The following RAP1B variants were observed in gnomAD, a reference collection of about 807,000 sequenced individuals.
RAP1B encodes the protein RAP1B, member of RAS oncogene family, also known as ras-related protein Rap-1b.
Under a neutral mutation model 27.5 loss-of-function variants are expected in RAP1B, and 1 was observed. The ratio of observed to expected loss-of-function variants is 0.04; its 90% CI spans 0.01 to 0.17. The LOEUF is 0.17. Among genes scored for constraint, RAP1B ranks in the 10% least tolerant of loss-of-function variants. RAP1B has a pLI of 1.00. For synonymous variants in RAP1B, 75 were observed against 73.1 expected (o/e 1.03, Z -0.13); for missense variants, 84 against 214.8 (o/e 0.39, Z 3.81).
intron 5 of RAP1B, 126 bp downstream of exon 5, chr12:68,654,378 C>CGTT (rs1399900433): frequency 2.1e-5 from 15 of 707,504 alleles, no homozygotes; most frequent in South Asian, 1.4e-4. Flanking sequence ...TTTTTTTAAA[C>CGTT]TTTTTCCTTG....
chr12:68,643,744 T>C (rs1452703800), intron 1 of RAP1B, among the ~76,000 whole-genome samples: 2 of 152,320 alleles, frequency 1.3e-5, no homozygotes, highest in East Asian at 3.9e-4. Flanking sequence ...AAAATGCCAG[T>C]AATTATCAGC....
At chr12:68,656,630 C>CT (rs1874228479) in intron 6 of RAP1B, 181 bp downstream of exon 6, 1 of 619,958 alleles carries the variant, frequency 1.6e-6, no homozygotes. Context: ...ATTTCAGTCT[C>CT]TATTAAATAC....
rs1055930151 is a variant in RAP1B, at chr12:68,662,623, A to G, written c.*3374A>G. On this transcript the variant is annotated 3_prime_UTR_variant, in exon 8 of 8. Coordinates refer to ENST00000250559, the MANE Select transcript of RAP1B (RefSeq NM_001010942.3). ...ATTGAATTTAATCTCCATCTATTCT[A>G]TCTCTTCTTAAATCTTGGAAATGTA... The G allele has an allele frequency of 3.9e-5, 6 of 152,122 alleles. No individual in the cohort carries two copies. Among genetic ancestry groups the G allele is most frequent in the African/African-American group, 1.2e-4 (5 of 41,520 alleles). 9.4% of individuals were successfully genotyped at this position (152,122 alleles called of 1,614,324 possible).
intron 1 of RAP1B, 27 bp downstream of exon 1, chr12:68,611,070 G>A (rs1055762141): frequency 7.0e-5 from 18 of 257,894 alleles, no homozygotes; most frequent in Non-Finnish European, 1.0e-4. Flanking sequence ...CGTGGCCGCT[G>A]AGGGAAGCCG....
rs1049904030 is a variant in RAP1B, at chr12:68,671,028, A to G, written c.*11779A>G. ...GGGCAACAAGAGTGATACTCCGTTT[A>G]AAAAAAAAAAAAAAAAAAAAGGTAA... On this transcript the variant is annotated 3_prime_UTR_variant, in exon 8 of 8. Coordinates refer to ENST00000250559, the MANE Select transcript of RAP1B (RefSeq NM_001010942.3). 7.7e-6 allele frequency: 1 copy of G among 129,584 alleles called. No individual in the cohort carries two copies. The highest frequency in any genetic ancestry group is 2.8e-5 in the African/African-American group (1 of 35,548). The allele number at this position is 129,584 out of a possible 1,614,324, so 8.0% of individuals were successfully genotyped here.
chr12:68,623,515 A>G (rs545815913), intron 1 of RAP1B, among the ~76,000 whole-genome samples: 1 of 152,340 alleles, frequency 6.6e-6, no homozygotes, highest in Admixed American at 6.5e-5. Context: ...TTTTGAGGAA[A>G]GATTTGTTTT....
At chr12:68,619,638 T>C (rs1871257188) in intron 1 of RAP1B, among the ~76,000 whole-genome samples, 1 of 152,240 alleles carries the variant, frequency 6.6e-6, no homozygotes, top group Admixed American at 6.5e-5. Context: ...TTCCCAACTG[T>C]CTAATGTATT....
In RAP1B at chr12:68,647,292, T is replaced by C. The variant is rs1054894723; in HGVS notation, c.-26-1407T>C. On this transcript the variant is annotated intron_variant, in intron 1 of 7. Coordinates refer to ENST00000250559, the MANE Select transcript of RAP1B (RefSeq NM_001010942.3). ...GCTCACGCCTGTAATCCCAGCACTTTGGGAGGCCGAGGCAGGTGGATCATG... is the reference window on the plus strand; with the variant it reads ...GCTCACGCCTGTAATCCCAGCACTTCGGGAGGCCGAGGCAGGTGGATCATG... Among the ~76,000 whole-genome samples the C allele has an allele frequency of 3.4e-5, 5 of 147,434 alleles. No homozygotes were observed. The Admixed American group carries it at 3.4e-4, about 10-fold the overall frequency.
intron 1 of RAP1B, among the ~76,000 whole-genome samples, chr12:68,630,669 T>C (rs1872169132): frequency 6.6e-6 from 1 of 151,992 alleles, no homozygotes; most frequent in Non-Finnish European, 1.5e-5. Flanking sequence ...TTGGGGTCTT[T>C]TTTGTTTTTG....
At chr12:68,614,063 A>G (rs1870807383) in intron 1 of RAP1B, among the ~76,000 whole-genome samples, 1 of 152,230 alleles carries the variant, frequency 6.6e-6, no homozygotes, top group African/African-American at 2.4e-5. Flanking sequence ...CTAATTCAAG[A>G]TTGGTGGAAG....
chr12:68,620,450 T>G (rs112127843), intron 1 of RAP1B, among the ~76,000 whole-genome samples: 7,960 of 152,154 alleles, frequency 0.052, 305 homozygotes, highest in Middle Eastern at 0.13. Context: ...CCCGAACTCC[T>G]GACCTCAGGT....
chr12:68,642,719 T>G, intron 1 of RAP1B: 2 of 1,105,126 alleles, frequency 1.8e-6, no homozygotes, highest in East Asian at 2.3e-5. Context: ...ATCTTTTTCT[T>G]CGGCATCCAC....
chr12:68,642,450 A>G (rs1034177038), intron 1 of RAP1B: 3 of 741,364 alleles, frequency 4.0e-6, no homozygotes, highest in Non-Finnish European at 6.8e-6. Flanking sequence ...TCTACTGTAT[A>G]ATTATTATTT....
chr12:68,656,604 GTAAA>G, intron 6 of RAP1B, 155 bp downstream of exon 6: 4 of 690,450 alleles, frequency 5.8e-6, no homozygotes, highest in Non-Finnish European at 9.8e-6. Context: ...TATCTATGTA[GTAAA>G]TAAACAATAC....
intron 5 of RAP1B, among the ~76,000 whole-genome samples, chr12:68,655,049 A>G (rs554864114): frequency 1.3e-5 from 2 of 151,986 alleles, no homozygotes; most frequent in Admixed American, 6.6e-5. Flanking sequence ...GGTGGCTCAC[A>G]CCTCTAATCC....
At chr12:68,656,241 C>A (rs1874195695) in intron 5 of RAP1B, 65 bp from the exon 6 acceptor site, 24 of 1,397,092 alleles carry the variant, frequency 1.7e-5, no homozygotes, top group Non-Finnish European at 2.2e-5. Flanking sequence ...TCTTAGAATT[C>A]TTTTGATTTG....
intron 2 of RAP1B, 113 bp from the exon 3 acceptor site, chr12:68,650,287 T>G (rs1873720788): frequency 8.8e-6 from 9 of 1,020,634 alleles, no homozygotes; most frequent in South Asian, 8.1e-5. Context: ...TGGCTGTGGT[T>G]TTTTTTTTCA....
At position 68,661,335 on chromosome 12, in the gene RAP1B, T is replaced by C. The variant is rs1213233630; in HGVS notation, c.*2086T>C. 5 of 152,206 alleles carry C rather than the reference T, an allele frequency of 3.3e-5. No individual in the cohort carries two copies. The highest frequency in any genetic ancestry group is 7.4e-5 in the Non-Finnish European group (5 of 68,024). The allele number at this position is 152,206 out of a possible 1,614,324, so 9.4% of individuals were successfully genotyped here. A position where few individuals can be genotyped will look rare whatever the true frequency, so the allele number is the denominator to read the frequency against. On this transcript the variant is annotated 3_prime_UTR_variant, in exon 8 of 8. Transcript: ENST00000250559. Reference sequence around the variant, plus strand: ...TTACATCCATTGATACCGCCATTATTCAATAATTACTTTTAATAAATGTTT... The same window carrying C: ...TTACATCCATTGATACCGCCATTATCCAATAATTACTTTTAATAAATGTTT...
intron 1 of RAP1B, among the ~76,000 whole-genome samples, chr12:68,615,294 TG>T (rs1870902064): frequency 6.6e-6 from 1 of 151,956 alleles, no homozygotes; most frequent in Non-Finnish European, 1.5e-5. Context: ...AAAATGAAAA[TG>T]TGGGGGAAAT....
Sources: allele counts gnomAD v4.1 joint callset (sites outside exome capture counted in the v4.1 genomes callset), GRCh38; gene constraint gnomAD v4.1.1; transcripts MANE v1.5; gene names NCBI Gene and HGNC (gene_info 2026-07-23, HGNC 2026-07-21).